TAX1BP1: variants seen among roughly 807,000 people sequenced by gnomAD.
TAX1BP1 encodes the protein Tax1 binding protein 1.
A neutral mutation model predicts 97.7 loss-of-function variants in TAX1BP1; 62 were observed. The observed-to-expected ratio is 0.63, with a 90% CI of 0.52 to 0.78. The LOEUF (loss-of-function observed/expected upper bound fraction) is 0.78, where lower values mean the gene tolerates loss of function less well. TAX1BP1 is among the 30% of genes least tolerant of loss of function. The probability of loss-of-function intolerance (pLI) is 0.00; values close to 1 mark genes in which losing one functional copy is unlikely to be tolerated. For missense variants in TAX1BP1, 867 were observed against 916.1 expected (o/e 0.95, Z 0.69); for synonymous variants, 340 against 304.2 (o/e 1.12, Z -1.23).
chr7:27,793,034 A>T, intron 9 of TAX1BP1, 32 bp from the exon 10 acceptor site: 7 of 1,563,700 alleles, frequency 4.5e-6, no homozygotes, highest in Non-Finnish European at 6.0e-6. Flanking sequence ...TCAGATTTTT[A>T]TTTTTTTCTT....
chr7:27,779,058 C>A (rs1023597243), intron 5 of TAX1BP1, among the ~76,000 whole-genome samples: 1 of 151,624 alleles, frequency 6.6e-6, no homozygotes, highest in Admixed American at 6.6e-5. Context: ...CTATATTTGC[C>A]TTTTTTTTAA....
At chr7:27,782,508 C>T (rs898613468) in intron 5 of TAX1BP1, among the ~76,000 whole-genome samples, 1 of 152,106 alleles carries the variant, frequency 6.6e-6, no homozygotes, top group East Asian at 1.9e-4. Context: ...CCTAGGCCCC[C>T]CAAAGTGCTG....
rs534866304 is a variant in TAX1BP1 at position 27,828,742 on chromosome 7, C to T, written c.2283C>T (p.Ser761=). The T allele has an allele frequency of 5.6e-6, 9 of 1,613,972 alleles. No individual in the cohort carries two copies. Among genetic ancestry groups the T allele is most frequent in the African/African-American group, 4.0e-5 (3 of 74,966 alleles). ...ACTGGAAGGTGTGCCCGATGTGCAG[C>T]GAGCAGTTCCCTCCTGACTATGACC... is the stretch of plus-strand genomic sequence containing the variant. ...ESHWKVCPMC[S]EQFPPDYDQQ... is the part of the protein sequence containing the mutation. The change falls in exon 17 of 17, where the codon AGC becomes AGT. Residue 761 remains serine, a synonymous_variant. Transcript: ENST00000396319.
At chr7:27,815,251 A>G (rs1160835001) in intron 13 of TAX1BP1, among the ~76,000 whole-genome samples, 3 of 152,126 alleles carry the variant, frequency 2.0e-5, no homozygotes, top group African/African-American at 7.2e-5. Flanking sequence ...TTTCACCATT[A>G]AGGGTCACAG....
intron 13 of TAX1BP1, among the ~76,000 whole-genome samples, chr7:27,811,720 C>T (rs1790566974): frequency 6.6e-6 from 1 of 152,072 alleles, no homozygotes; most frequent in Non-Finnish European, 1.5e-5. Context: ...TGTAACGTTT[C>T]CATTACTGCA....
chr7:27,808,285 G>A (rs1414786785), intron 13 of TAX1BP1, among the ~76,000 whole-genome samples: 2 of 152,290 alleles, frequency 1.3e-5, no homozygotes, highest in East Asian at 3.9e-4. Context: ...TCCAATTGTA[G>A]TCTAAAACTA....
rs181489624 is a variant in TAX1BP1 at position 27,802,831 on chromosome 7, C to T, written c.1764+2741C>T. ...GCCAAAGAAGAAACTTTGGAGAATA[C>T]TCATATTTGGACTGGGAAGAAAAAA... On this transcript the variant is annotated intron_variant, in intron 13 of 16. Transcript: ENST00000396319. Among the ~76,000 whole-genome samples the T allele has an allele frequency of 1.4e-4, 21 of 151,680 alleles. No homozygotes were observed. The East Asian group carries it at 2.7e-3, about 20-fold the overall frequency.
intron 4 of TAX1BP1, among the ~76,000 whole-genome samples, chr7:27,766,879 T>A (rs979623623): frequency 4.6e-5 from 7 of 152,196 alleles, no homozygotes; most frequent in African/African-American, 1.7e-4. Context: ...TTTAGAATGA[T>A]TCCTGTTGTA....
chr7:27,769,871 GTA>G, intron 5 of TAX1BP1, 37 bp downstream of exon 5: 1 of 1,599,410 alleles, frequency 6.3e-7, no homozygotes, highest in South Asian at 1.1e-5. Flanking sequence ...GAAGTTGATA[GTA>G]TATTGCCTGA....
chr7:27,801,538 C>G (rs1790138256), intron 13 of TAX1BP1, among the ~76,000 whole-genome samples: 1 of 151,930 alleles, frequency 6.6e-6, no homozygotes, highest in Admixed American at 6.6e-5. Context: ...TCTATTGAAG[C>G]CTATTTTACA....
chr7:27,792,552 A>C (rs1789759838), intron 9 of TAX1BP1, among the ~76,000 whole-genome samples: 1 of 152,196 alleles, frequency 6.6e-6, no homozygotes, highest in African/African-American at 2.4e-5. Flanking sequence ...AGGGAGTAAT[A>C]ATTGCTCTTC....
intron 1 of TAX1BP1, among the ~76,000 whole-genome samples, chr7:27,746,421 T>G (rs1162795434): frequency 6.6e-6 from 1 of 151,412 alleles, no homozygotes; most frequent in Non-Finnish European, 1.5e-5. Context: ...TGGTGTTTTT[T>G]TTTTTTTCCT....
intron 5 of TAX1BP1, among the ~76,000 whole-genome samples, chr7:27,777,466 T>C (rs754457436): frequency 2.0e-5 from 3 of 152,216 alleles, no homozygotes; most frequent in Non-Finnish European, 4.4e-5. Context: ...TTTTCCACTC[T>C]GGCTGGTAGG....
At chr7:27,793,288 C>T (rs1562725857) in intron 10 of TAX1BP1, 76 bp downstream of exon 10, 23 of 1,232,420 alleles carry the variant, frequency 1.9e-5, no homozygotes, top group Non-Finnish European at 2.2e-5. Flanking sequence ...TGTAATATTC[C>T]AAATATCAAC....
chr7:27,745,529 A>G (rs987962137), intron 1 of TAX1BP1, among the ~76,000 whole-genome samples: 1 of 152,204 alleles, frequency 6.6e-6, no homozygotes, highest in African/African-American at 2.4e-5. Context: ...AAAAAATGAC[A>G]AGGTACTGGA....
chr7:27,816,755 C>G, intron 14 of TAX1BP1, 135 bp from the exon 15 acceptor site: 1 of 1,168,100 alleles, frequency 8.6e-7, no homozygotes, highest in Non-Finnish European at 1.2e-6. Flanking sequence ...AAAAAATCAC[C>G]TGGGTTAAAA....
chr7:27,775,918 GC>G (rs1789015945), intron 5 of TAX1BP1, among the ~76,000 whole-genome samples: 2 of 152,070 alleles, frequency 1.3e-5, no homozygotes, highest in South Asian at 4.1e-4. Context: ...TTGATTGCCT[GC>G]CTTACACAAG....
At chr7:27,762,901 C>T (rs1002441795) in intron 3 of TAX1BP1, among the ~76,000 whole-genome samples, 1 of 152,066 alleles carries the variant, frequency 6.6e-6, no homozygotes. Context: ...TGCGGTGAGC[C>T]GAGATTGTAC....
chr7:27,796,687 C>A (rs1327129114), intron 12 of TAX1BP1, among the ~76,000 whole-genome samples: 5 of 151,884 alleles, frequency 3.3e-5, no homozygotes, highest in Non-Finnish European at 5.9e-5. Context: ...CATGGTGAAA[C>A]CCTGTCTGTA....
Sources: gnomAD v4.1 joint callset for allele counts (sites outside exome capture counted in the v4.1 genomes callset) on GRCh38, gnomAD v4.1.1 for gene constraint, MANE v1.5 for transcripts, NCBI Gene and HGNC (gene_info 2026-07-23, HGNC 2026-07-21) for gene names.